Variants in INTS4 observed in about 807,000 individuals in gnomAD.
INTS4 encodes the protein MSTP093.
In INTS4, 70 loss-of-function variants were observed where a neutral mutation model predicts 119.5. That is an observed-to-expected ratio of 0.59 (90% CI 0.48 to 0.71). The LOEUF is 0.71. Ranked by LOEUF, INTS4 falls within the 30% of genes least tolerant of loss-of-function variation. The probability of loss-of-function intolerance (pLI) is 0.00; values close to 1 mark genes in which losing one functional copy is unlikely to be tolerated. For synonymous variants in INTS4, 316 were observed against 419.6 expected, an observed-to-expected ratio of 0.75 and a Z score of 3.02; for missense variants, 867 against 1,173.2, an observed-to-expected ratio of 0.74 and a Z score of 3.81.
intron 4 of INTS4, among the ~76,000 whole-genome samples, chr11:77,964,069 TC>T (rs1855375607): frequency 6.6e-6 from 1 of 152,214 alleles, no homozygotes. Flanking sequence ...ACCCTCAATT[TC>T]AGTTGTGCAG....
intron 2 of INTS4, among the ~76,000 whole-genome samples, chr11:77,985,551 G>A (rs1856423997): frequency 1.3e-5 from 2 of 151,976 alleles, no homozygotes; most frequent in Admixed American, 1.3e-4. Context: ...CCCCTTCTTT[G>A]AGGCCATATC....
intron 10 of INTS4, among the ~76,000 whole-genome samples, chr11:77,929,019 CAA>C (rs545705756): frequency 3.9e-5 from 5 of 126,992 alleles, no homozygotes; most frequent in Admixed American, 8.1e-5. Context: ...GCCCCTGTCT[CAA>C]AAAAAAAAAA....
chr11:77,928,398 A>C lies in INTS4; in HGVS notation c.1315T>G (p.Ser439Ala). The C allele has an allele frequency of 5.6e-6, 9 of 1,612,386 alleles. No homozygotes were observed. The highest frequency in any genetic ancestry group is 7.6e-6 in the Non-Finnish European group (9 of 1,178,856). ...LQSIHTMRKI[S>A]NNITLREDQL... The stretch of plus-strand genomic sequence containing the variant: ...TCTTCTCGGAGGGTGATGTTGTTAG[A>C]GATTTTTCTCATGGTATGTATAGAC... The change falls in exon 11 of 23, where the codon TCT becomes GCT. Residue 439 changes from serine (S) to alanine (A), a missense_variant. By Grantham distance (99) the Ser-to-Ala change is moderately conservative. This residue lies in a region of INTS4 where 208 missense variants were observed against 306.6 expected (regional missense o/e 0.68). Transcript: ENST00000534064.
At chr11:77,964,845 G>A (rs1855427195) in intron 4 of INTS4, among the ~76,000 whole-genome samples, 1 of 151,988 alleles carries the variant, frequency 6.6e-6, no homozygotes, top group African/African-American at 2.4e-5. Context: ...ATGGTGGGTA[G>A]TTTGATGAGG....
At chr11:77,897,542 C>T (rs187265832) in intron 18 of INTS4, among the ~76,000 whole-genome samples, 1 of 151,194 alleles carries the variant, frequency 6.6e-6, no homozygotes, top group African/African-American at 2.4e-5. Flanking sequence ...ACTCTGTCAC[C>T]CAGGCTGGAG....
Position 77,903,595 on chromosome 11 carries a change from A to G in INTS4, c.2042T>C (p.Val681Ala). ...IKALQEKLWN[V>A]AAPLYLKQSD... The stretch of plus-strand genomic sequence containing the variant: ...CTGCTTCAAATACAAAGGGGCAGCT[A>G]CATTCCACAACTTTTCCTGCAAGGC... Residue 681 changes from valine to alanine, a missense_variant, in exon 17 of 23, where the codon GTA becomes GCA. By Grantham distance (64) the Val-to-Ala change is moderately conservative (BLOSUM62 0). This residue lies in a region of INTS4 where 262 missense variants were observed against 376.0 expected (regional missense o/e 0.70). Coordinates refer to ENST00000534064, the MANE Select transcript of INTS4 (RefSeq NM_033547.4). The G allele has an allele frequency of 6.2e-7, 1 of 1,613,840 alleles. No individual in the cohort carries two copies. Among genetic ancestry groups the G allele is most frequent in the Non-Finnish European group, 8.5e-7 (1 of 1,179,812 alleles).
chr11:77,956,062 G>T lies in INTS4; in HGVS notation c.798C>A (p.Ser266Arg). Residue 266 changes from serine (S) to arginine (R), a missense_variant and splice_region_variant, in exon 8 of 23, where the codon AGC (serine) becomes AGA (arginine). By Grantham distance (110) the Ser-to-Arg change is moderately radical (BLOSUM62 -1). Around this residue, in one of 5 missense-constraint regions of INTS4, gnomAD observed 208 missense variants for 306.6 expected, o/e 0.68. Transcript: ENST00000534064. Reference protein sequence around the residue: ...IWVVSQLYPESIVPIPSSNEE... With the variant: ...IWVVSQLYPERIVPIPSSNEE... The stretch of plus-strand genomic sequence containing the variant: ...CATTAGAAGAAGGAATTGGGACAAT[G>T]CTAAATTAAAAGAAAAGAAATGAAA... 6.3e-7 allele frequency: 1 copy of T among 1,588,534 alleles called. No homozygotes were observed. The highest frequency in any genetic ancestry group is 8.5e-7 in the Non-Finnish European group (1 of 1,172,966).
chr11:77,919,581 C>T (rs1463675695), intron 14 of INTS4, among the ~76,000 whole-genome samples: 8 of 152,118 alleles, frequency 5.3e-5, no homozygotes, highest in Non-Finnish European at 1.0e-4. Context: ...CCACTGCACC[C>T]GGCCACATTT....
chr11:77,929,880 G>A (rs2136499137), intron 10 of INTS4, among the ~76,000 whole-genome samples: 1 of 152,224 alleles, frequency 6.6e-6, no homozygotes, highest in Non-Finnish European at 1.5e-5. Flanking sequence ...ACCCTGCCTG[G>A]CATATTTTAA....
chr11:77,952,724 C>T (rs1204894784), intron 8 of INTS4, among the ~76,000 whole-genome samples: 2 of 152,092 alleles, frequency 1.3e-5, no homozygotes, highest in East Asian at 3.8e-4. Flanking sequence ...GTAGAAATTT[C>T]AATGTACCAT....
chr11:77,951,191 C>T (rs1954185852), intron 8 of INTS4, among the ~76,000 whole-genome samples: 1 of 152,116 alleles, frequency 6.6e-6, no homozygotes, highest in Admixed American at 6.5e-5. Flanking sequence ...CATACATGTG[C>T]TTGTGTCTTT....
At chr11:77,903,830 A>G (rs1380637742) in intron 16 of INTS4, among the ~76,000 whole-genome samples, 4 of 152,270 alleles carry the variant, frequency 2.6e-5, no homozygotes, top group Middle Eastern at 3.4e-3. Flanking sequence ...ATTTGATCCA[A>G]TTCTTGGCCC....
chr11:77,925,844 A>G (rs148490062), intron 11 of INTS4, among the ~76,000 whole-genome samples: 1 of 152,258 alleles, frequency 6.6e-6, no homozygotes, highest in Non-Finnish European at 1.5e-5. Flanking sequence ...GAGCCTTTCC[A>G]CTAGCTGTTG....
chr11:77,979,385 G>A (rs1028200418), intron 3 of INTS4, among the ~76,000 whole-genome samples: 4 of 151,958 alleles, frequency 2.6e-5, no homozygotes, highest in African/African-American at 7.3e-5. Flanking sequence ...CGAGGTAGGA[G>A]GACTGCTTGA....
chr11:77,877,617 G>A (rs1951634569), downstream of INTS4, among the ~76,000 whole-genome samples: 1 of 152,158 alleles, frequency 6.6e-6, no homozygotes, highest in Admixed American at 6.5e-5. Flanking sequence ...AATGAATACA[G>A]GCTTTATTAC....
chr11:77,929,470 C>T (rs1365119601), intron 10 of INTS4, among the ~76,000 whole-genome samples: 1 of 152,190 alleles, frequency 6.6e-6, no homozygotes, highest in Non-Finnish European at 1.5e-5. Context: ...TCTTACTTAT[C>T]TCAGTATTCT....
chr11:77,932,962 G>A (rs1295338187), intron 10 of INTS4, among the ~76,000 whole-genome samples: 1 of 146,230 alleles, frequency 6.8e-6, no homozygotes, highest in Non-Finnish European at 1.5e-5. Context: ...CTGTCAGGGG[G>A]TGGGGGGCTG....
chr11:77,952,295 A>G (rs1954215780), intron 8 of INTS4, among the ~76,000 whole-genome samples: 2 of 152,204 alleles, frequency 1.3e-5, no homozygotes, highest in East Asian at 3.8e-4. Flanking sequence ...TGGGCTTTAG[A>G]TTATGAAGTT....
chr11:77,951,895 CAA>C (rs975971399), intron 8 of INTS4, among the ~76,000 whole-genome samples: 15 of 152,118 alleles, frequency 9.9e-5, no homozygotes, highest in African/African-American at 3.4e-4. Context: ...TTTATGCAGC[CAA>C]AAGACACAGG....
Sources: gnomAD v4.1 joint callset for allele counts (sites outside exome capture counted in the v4.1 genomes callset) on GRCh38, gnomAD v4.1.1 for gene constraint, gnomAD v4.1.1 regional missense constraint, MANE v1.5 for transcripts, NCBI Gene and HGNC (gene_info 2026-07-23, HGNC 2026-07-21) for gene names.